The following KLHL41 variants were observed in gnomAD, a reference collection of about 807,000 sequenced individuals.
The protein encoded by KLHL41 is kelch like family member 41.
A neutral mutation model predicts 49.2 loss-of-function variants in KLHL41; 31 were observed. The observed-to-expected ratio is 0.63, with a 90% CI of 0.47 to 0.85. The LOEUF is 0.85. KLHL41 is among the 40% of genes least tolerant of loss of function. KLHL41 has a pLI of 0.00. For synonymous variants in KLHL41, 218 were observed against 258.5 expected, an observed-to-expected ratio of 0.84 and a Z score of 1.50; for missense variants, 663 against 726.7, an observed-to-expected ratio of 0.91 and a Z score of 1.01.
chr2:169,520,768 G>T, intron 4 of KLHL41, 93 bp from the exon 5 acceptor site: 1 of 1,125,396 alleles, frequency 8.9e-7, no homozygotes. Context: ...GCCACTACTT[G>T]AATTTTTAAA....
At chr2:169,521,518 C>T (rs557503090) in intron 5 of KLHL41, among the ~76,000 whole-genome samples, 18 of 151,850 alleles carry the variant, frequency 1.2e-4, no homozygotes, top group Non-Finnish European at 2.1e-4. Flanking sequence ...CTCAGCCTCC[C>T]GAGTAGCTGG....
chr2:169,521,864 T>C (rs186307337), intron 5 of KLHL41, among the ~76,000 whole-genome samples: 1 of 152,236 alleles, frequency 6.6e-6, no homozygotes, highest in Non-Finnish European at 1.5e-5. Flanking sequence ...GCAGTTCTCC[T>C]AAGTATGACA....
In KLHL41 at chr2:169,520,275, A is replaced by AGTGTGTGTGTGTGTGT. The variant is rs71003095; in HGVS notation, c.1563-565_1563-550dup. 8.2e-4 allele frequency among the ~76,000 whole-genome samples: 47 copies of AGTGTGTGTGTGTGTGT among 56,972 alleles called. 1 individual carries two copies. The highest frequency in any genetic ancestry group is 0.015 in the Middle Eastern group (1 of 68). 37.4% of individuals were successfully genotyped at this position (56,972 alleles called of 152,430 possible). Reference sequence around the variant, plus strand: ...TGGGCTCAAGCTATCCTCCTGCCTCAGTGTGTGTGTGTGTGTGTGTGTGTG... The same window carrying AGTGTGTGTGTGTGTGT: ...TGGGCTCAAGCTATCCTCCTGCCTCAGTGTGTGTGTGTGTGTGTGTGTGTGTGTGTGTGTGTGTGTG... On this transcript the variant is annotated intron_variant, in intron 4 of 5. Transcript: ENST00000284669.
At chr2:169,513,839 C>G (rs889465376) in intron 1 of KLHL41, among the ~76,000 whole-genome samples, 1 of 152,174 alleles carries the variant, frequency 6.6e-6, no homozygotes, top group South Asian at 2.1e-4. Flanking sequence ...CCACCATCAT[C>G]TACCCCAGGG....
At chr2:169,522,012 A>AAG (rs1049023995) in intron 5 of KLHL41, among the ~76,000 whole-genome samples, 1 of 151,846 alleles carries the variant, frequency 6.6e-6, no homozygotes, top group African/African-American at 2.4e-5. Context: ...AAAAAAAAAA[A>AAG]GAAAAAAGAA....
At position 169,509,702 on chromosome 2, in the gene KLHL41, C is replaced by T; in HGVS notation, c.-77C>T. 6.9e-7 allele frequency: 1 copy of T among 1,454,436 alleles called. No individual in the cohort carries two copies. Among genetic ancestry groups the T allele is most frequent in the Non-Finnish European group, 9.2e-7 (1 of 1,087,258 alleles). 90.1% of individuals were successfully genotyped at this position (1,454,436 alleles called of 1,614,324 possible). ...AGCTGGGCAAAGCACACTGATCTGC[C>T]TTTTTACAGCTAGACCTGTGTGCTG... On this transcript the variant is annotated 5_prime_UTR_variant, in exon 1 of 6. Transcript: ENST00000284669.
At position 169,520,994 on chromosome 2, in the gene KLHL41, A is replaced by G. The variant is rs1237694295; in HGVS notation, c.1696A>G (p.Asn566Asp). The change falls in exon 5 of 6, where the codon AAT becomes GAT. Residue 566 changes from asparagine to aspartate, a missense_variant. Physicochemically the swap from Asn to Asp is conservative, Grantham distance 23. Coordinates refer to ENST00000284669, the MANE Select transcript of KLHL41 (RefSeq NM_006063.3). Reference protein sequence around the residue: ...ESKEFAPTEVNDIWKYEDDKK... With the variant: ...ESKEFAPTEVDDIWKYEDDKK... Reference sequence around the variant, plus strand: ...TAAAGAATTTGCACCCACTGAAGTCAATGACATATGGAAGTAAGTTCTCAT... The same window carrying G: ...TAAAGAATTTGCACCCACTGAAGTCGATGACATATGGAAGTAAGTTCTCAT... The G allele has an allele frequency of 8.1e-6, 13 of 1,613,378 alleles. No homozygotes were observed. The highest frequency in any genetic ancestry group is 1.6e-4 in the Middle Eastern group (1 of 6,080).
intron 3 of KLHL41, among the ~76,000 whole-genome samples, chr2:169,515,978 A>G (rs1423864830): frequency 6.6e-6 from 1 of 152,224 alleles, no homozygotes; most frequent in Admixed American, 6.5e-5. Flanking sequence ...ACCTGTAATC[A>G]GGAAAGAGAT....
intron 3 of KLHL41, 97 bp from the exon 4 acceptor site, chr2:169,518,093 C>G: frequency 1.3e-6 from 1 of 794,004 alleles, no homozygotes; most frequent in South Asian, 2.0e-5. Flanking sequence ...GTTTTCTGAT[C>G]CTACTATATA....
At position 169,525,577 on chromosome 2, in the gene KLHL41, TCCATCA is replaced by T; in HGVS notation, c.1710-7_1710-2del. The T allele has an allele frequency of 1.3e-6, 2 of 1,550,526 alleles. No individual in the cohort carries two copies. The highest frequency in any genetic ancestry group is 1.8e-6 in the Non-Finnish European group (2 of 1,122,636). On this transcript the variant is annotated splice_acceptor_variant and splice_polypyrimidine_tract_variant and intron_variant, in intron 5 of 5. Coordinates refer to ENST00000284669, the MANE Select transcript of KLHL41 (RefSeq NM_006063.3). LOFTEE classifies it high-confidence loss of function. Reference sequence around the variant, plus strand: ...TGCTTATTGATTACTTTTTTTTTCCTCCATCAGGTATGAAGATGATAAAAAAGAATG... The same window carrying T: ...TGCTTATTGATTACTTTTTTTTTCCTGGTATGAAGATGATAAAAAAGAATG...
intron 1 of KLHL41, among the ~76,000 whole-genome samples, chr2:169,511,432 G>T (rs949413467): frequency 6.6e-6 from 1 of 152,072 alleles, no homozygotes; most frequent in African/African-American, 2.4e-5. Flanking sequence ...CTAAATCAAA[G>T]TTCTTATCCA....
rs1222159066 is a variant in KLHL41, at chr2:169,510,602, C to T, written c.824C>T (p.Ala275Val). Residue 275 changes from alanine (A) to valine (V), a missense_variant, in exon 1 of 6, where the codon GCT becomes GTT. Physicochemically the swap from Ala to Val is moderately conservative, Grantham distance 64 (BLOSUM62 0). Around this residue, in one of 3 missense-constraint regions of KLHL41, gnomAD observed 528 missense variants for 581.0 expected, o/e 0.91. Coordinates refer to ENST00000284669, the MANE Select transcript of KLHL41 (RefSeq NM_006063.3). This position sits in a 1 kb window ranked among gnomAD's most constrained non-coding sequence, Gnocchi z 4.2. ...EPSKNAAKTG[A>V]GEVNGDVGDE... ...AGCAAAAATGCCGCGAAGACTGGGG[C>T]TGGTGAGGTGAATGGTGATGTTGGT... 2 of 1,614,158 alleles carry T rather than the reference C, an allele frequency of 1.2e-6. No individual in the cohort carries two copies. Among genetic ancestry groups the T allele is most frequent in the Non-Finnish European group, 1.7e-6 (2 of 1,180,028 alleles).
intron 1 of KLHL41, among the ~76,000 whole-genome samples, chr2:169,512,996 G>A (rs1684051418): frequency 6.6e-6 from 1 of 152,058 alleles, no homozygotes; most frequent in Non-Finnish European, 1.5e-5. Flanking sequence ...TTAACAATGA[G>A]GAAAGTTGAA....
Position 169,518,273 on chromosome 2 carries a change from T to G in KLHL41, c.1460T>G (p.Met487Arg). 6.2e-7 allele frequency: 1 copy of G among 1,614,040 alleles called. No individual in the cohort carries two copies. Among genetic ancestry groups the G allele is most frequent in the Non-Finnish European group, 8.5e-7 (1 of 1,179,928 alleles). ...GCTCCAATGAAAATTCCTCGTTCCA[T>G]GTTTGGAGTAGCAGTCCATAAAGGC... ...DLAPMKIPRS[M>R]FGVAVHKGKI... is the part of the protein sequence containing the mutation. Residue 487 changes from methionine to arginine, a missense_variant, in exon 4 of 6, where the codon ATG (methionine) becomes AGG (arginine). Met to Arg is a moderately conservative substitution (Grantham distance 91). Transcript: ENST00000284669.
intron 5 of KLHL41, among the ~76,000 whole-genome samples, 168 bp from the exon 6 acceptor site, chr2:169,525,417 G>A (rs1348749318): frequency 2.0e-5 from 3 of 152,206 alleles, no homozygotes; most frequent in African/African-American, 7.2e-5. Flanking sequence ...TGCTCATCCA[G>A]ACAATGCATA....
chr2:169,510,899 C>T lies in KLHL41; in HGVS notation c.1110+11C>T, dbSNP rs767571423. The T allele has an allele frequency of 5.6e-6, 9 of 1,606,008 alleles. No homozygotes were observed. Among genetic ancestry groups the T allele is most frequent in the Non-Finnish European group, 7.7e-6 (9 of 1,175,280 alleles). Reference sequence around the variant, plus strand: ...TCATACTTCTTCCAGGTAAGAAGGACTTTTTGTATATGTAGTTGCTTAAAG... The same window carrying T: ...TCATACTTCTTCCAGGTAAGAAGGATTTTTTGTATATGTAGTTGCTTAAAG... On this transcript the variant is annotated intron_variant, in intron 1 of 5. Coordinates refer to ENST00000284669, the MANE Select transcript of KLHL41 (RefSeq NM_006063.3). This position sits in a 1 kb window ranked among gnomAD's most constrained non-coding sequence, Gnocchi z 4.2.
At chr2:169,523,996 A>G (rs1684244893) in intron 5 of KLHL41, among the ~76,000 whole-genome samples, 1 of 151,344 alleles carries the variant, frequency 6.6e-6, no homozygotes, top group African/African-American at 2.4e-5. Context: ...CTCAACATAG[A>G]CCCTCTTACT....
At chr2:169,511,440 C>G (rs1684028484) in intron 1 of KLHL41, among the ~76,000 whole-genome samples, 1 of 152,104 alleles carries the variant, frequency 6.6e-6, no homozygotes, top group Admixed American at 6.5e-5. Context: ...AAGTTCTTAT[C>G]CATTATAAAG....
At position 169,509,703 on chromosome 2, in the gene KLHL41, T is replaced by C; in HGVS notation, c.-76T>C. The C allele has an allele frequency of 6.8e-7, 1 of 1,462,414 alleles. No individual in the cohort carries two copies. Among genetic ancestry groups the C allele is most frequent in the Non-Finnish European group, 9.1e-7 (1 of 1,094,172 alleles). The allele number at this position is 1,462,414 out of a possible 1,614,324, so 90.6% of individuals were successfully genotyped here. A position where few individuals can be genotyped will look rare whatever the true frequency, so the allele number is the denominator to read the frequency against. On this transcript the variant is annotated 5_prime_UTR_variant, in exon 1 of 6. Transcript: ENST00000284669. Reference sequence around the variant, plus strand: ...GCTGGGCAAAGCACACTGATCTGCCTTTTTACAGCTAGACCTGTGTGCTGC... The same window carrying C: ...GCTGGGCAAAGCACACTGATCTGCCCTTTTACAGCTAGACCTGTGTGCTGC...
Sources: allele counts gnomAD v4.1 joint callset (sites outside exome capture counted in the v4.1 genomes callset), GRCh38; gene constraint gnomAD v4.1.1; regional missense constraint gnomAD v4.1.1; non-coding constraint Gnocchi (gnomAD v3.1); transcripts MANE v1.5; gene names NCBI Gene and HGNC (gene_info 2026-07-23, HGNC 2026-07-21).